The following CFAP52 variants were observed in gnomAD, a reference collection of about 807,000 sequenced individuals.
CFAP52 encodes the protein cilia and flagella associated protein 52.
A neutral mutation model predicts 70.5 loss-of-function variants in CFAP52; 57 were observed. The observed-to-expected ratio is 0.81, with a 90% CI of 0.65 to 1.01. The LOEUF (loss-of-function observed/expected upper bound fraction) is 1.01, where lower values mean the gene tolerates loss of function less well. Among genes scored for constraint, CFAP52 ranks in the 50% least tolerant of loss-of-function variants. The pLI is 0.00. For missense variants in CFAP52, 785 were observed against 788.5 expected (o/e 1.00, Z 0.05); for synonymous variants, 267 against 292.5 (o/e 0.91, Z 0.89).
Position 9,596,057 on chromosome 17 carries a change from GTGTATATATATA to G in CFAP52, c.536+1738_536+1749del, listed in dbSNP as rs1444213366. ...TATATGTATGTAGATATATATGTGTGTGTATATATATATATATATATATATATATATATATAT... is the reference window on the plus strand; with the variant it reads ...TATATGTATGTAGATATATATGTGTGTATATATATATATATATATATATAT... On this transcript the variant is annotated intron_variant, in intron 4 of 13. Coordinates refer to ENST00000352665, the MANE Select transcript of CFAP52 (RefSeq NM_145054.5). Among the ~76,000 whole-genome samples, 431 of 103,576 alleles carry G rather than the reference GTGTATATATATA, an allele frequency of 4.2e-3. 10 individuals carry two copies. The highest frequency in any genetic ancestry group is 0.015 in the African/African-American group (360 of 24,416). 67.9% of individuals were successfully genotyped at this position (103,576 alleles called of 152,430 possible).
intron 10 of CFAP52, among the ~76,000 whole-genome samples, chr17:9,633,675 C>CTTT (rs555923244): frequency 1.4e-5 from 2 of 138,544 alleles, no homozygotes; most frequent in African/African-American, 5.3e-5. Flanking sequence ...GTCATCTTAT[C>CTTT]TTTTTTTTTT....
intron 10 of CFAP52, among the ~76,000 whole-genome samples, chr17:9,633,377 CT>C (rs1910638247): frequency 6.6e-6 from 1 of 151,338 alleles, no homozygotes; most frequent in Non-Finnish European, 1.5e-5. Context: ...GCTAATTTTT[CT>C]ATTTTTAGTA....
intron 1 of CFAP52, chr17:9,584,435 C>T (rs988480032): frequency 8.5e-7 from 1 of 1,181,126 alleles, no homozygotes; most frequent in East Asian, 5.8e-5. Flanking sequence ...TTGAGGCATA[C>T]TTGACATATT....
chr17:9,628,226 G>A (rs1325562935), intron 8 of CFAP52, among the ~76,000 whole-genome samples: 1 of 151,776 alleles, frequency 6.6e-6, no homozygotes, highest in Non-Finnish European at 1.5e-5. Flanking sequence ...TGTTTCAAAT[G>A]GTCTGTAAGA....
At chr17:9,638,396 A>T (rs1249046638) in intron 11 of CFAP52, among the ~76,000 whole-genome samples, 4 of 152,194 alleles carry the variant, frequency 2.6e-5, no homozygotes, top group Non-Finnish European at 5.9e-5. Context: ...GGTCACTGAT[A>T]GGCCAACCGG....
chr17:9,637,503 T>G (rs1267319343), intron 11 of CFAP52, among the ~76,000 whole-genome samples: 4 of 152,196 alleles, frequency 2.6e-5, no homozygotes, highest in Admixed American at 6.5e-5. Context: ...CCCACCACAT[T>G]GTCTGTGGAA....
At chr17:9,584,002 A>G (rs16958489) in intron 1 of CFAP52, among the ~76,000 whole-genome samples, 4,567 of 152,296 alleles carry the variant, frequency 0.03, 250 homozygotes, top group African/African-American at 0.1. Context: ...TGAGTCTCTG[A>G]ATCAGGGAAA....
At chr17:9,644,714 G>A (rs1045370359), downstream of CFAP52, 4 of 152,118 alleles carry the variant, frequency 2.6e-5, no homozygotes, top group East Asian at 5.8e-4. Context: ...CGTAGGGGGC[G>A]CGCCTGAGAG....
At chr17:9,592,927 AC>A (rs145177791) in intron 3 of CFAP52, among the ~76,000 whole-genome samples, 52 of 152,210 alleles carry the variant, frequency 3.4e-4, no homozygotes, top group African/African-American at 1.3e-3. Context: ...TATCATTTAA[AC>A]TTTTTAAGTA....
At chr17:9,635,266 C>T in intron 10 of CFAP52, 139 bp from the exon 11 acceptor site, 1 of 1,183,790 alleles carries the variant, frequency 8.4e-7, no homozygotes, top group Non-Finnish European at 1.2e-6. Context: ...GCATTCACAC[C>T]CCACCCAACC....
chr17:9,645,481 G>T (rs534936657), downstream of CFAP52: 2,203 of 726,678 alleles, frequency 3.0e-3, 8 homozygotes, highest in South Asian at 7.6e-3. This position sits in a 1 kb window ranked among gnomAD's most constrained non-coding sequence, Gnocchi z 6.8. Flanking sequence ...GGGCGGGGCT[G>T]CCCCGCCCTT....
At chr17:9,584,516 G>A (rs1266041034) in intron 1 of CFAP52, 4 of 395,726 alleles carry the variant, frequency 1.0e-5, no homozygotes, top group African/African-American at 2.2e-5. Flanking sequence ...TGATGTCTAC[G>A]ATCAAACTAA....
chr17:9,637,746 T>C (rs2151952967), intron 11 of CFAP52, among the ~76,000 whole-genome samples: 1 of 152,338 alleles, frequency 6.6e-6, no homozygotes, highest in South Asian at 2.1e-4. Context: ...GGCTAATTTC[T>C]GTATTTTTAG....
chr17:9,606,308 G>A (rs992635971), intron 6 of CFAP52, among the ~76,000 whole-genome samples: 2 of 151,978 alleles, frequency 1.3e-5, no homozygotes, highest in Non-Finnish European at 2.9e-5. Context: ...GCTTCATCCC[G>A]GGAGTTCGTG....
chr17:9,598,788 C>T (rs1445372296), intron 5 of CFAP52, among the ~76,000 whole-genome samples: 1 of 147,004 alleles, frequency 6.8e-6, no homozygotes, highest in Non-Finnish European at 1.5e-5. Context: ...AAGTTCACCT[C>T]TGCACCTCTG....
intron 13 of CFAP52, 115 bp downstream of exon 13, chr17:9,641,950 G>A: frequency 1.3e-6 from 1 of 797,144 alleles, no homozygotes; most frequent in Non-Finnish European, 2.0e-6. Flanking sequence ...AGGCAACTTG[G>A]TTAGAATCAG....
chr17:9,632,260 T>G (rs1250858272), intron 9 of CFAP52, among the ~76,000 whole-genome samples: 1 of 151,306 alleles, frequency 6.6e-6, no homozygotes, highest in South Asian at 2.1e-4. Flanking sequence ...TTTTGTTTTT[T>G]TTTTTCATAT....
intron 11 of CFAP52, among the ~76,000 whole-genome samples, chr17:9,636,237 AAGAAAGAAAGAAAGAG>A (rs879416583): frequency 0.021 from 3,094 of 146,466 alleles, 164 homozygotes; most frequent in East Asian, 0.12. Context: ...GAAAGAAAGA[AAGAAAGAAAGAAAGAG>A]AAAGAAAAAT....
At chr17:9,636,241 AAGAAAGAAAGAG>A (rs201951404) in intron 11 of CFAP52, among the ~76,000 whole-genome samples, 4,816 of 139,332 alleles carry the variant, frequency 0.035, 333 homozygotes, top group East Asian at 0.16. Context: ...GAAAGAAAGA[AAGAAAGAAAGAG>A]AAAGAAAAAT....
Sources: gnomAD v4.1 joint callset for allele counts (sites outside exome capture counted in the v4.1 genomes callset) on GRCh38, gnomAD v4.1.1 for gene constraint, Gnocchi (gnomAD v3.1) non-coding constraint, MANE v1.5 for transcripts, NCBI Gene and HGNC (gene_info 2026-07-23, HGNC 2026-07-21) for gene names.